Variants in CDH13 observed in about 807,000 individuals in gnomAD.
The protein encoded by CDH13 is cadherin-13.
Under a neutral mutation model 63.8 loss-of-function variants are expected in CDH13, and 24 were observed. The ratio of observed to expected loss-of-function variants is 0.38; its 90% confidence interval spans 0.27 to 0.53. The LOEUF (loss-of-function observed/expected upper bound fraction) is 0.53, where lower values mean the gene tolerates loss of function less well. Among genes scored for constraint, CDH13 ranks in the 20% least tolerant of loss-of-function variants. CDH13 has a pLI of 0.85. For missense variants in CDH13, 1,049 were observed against 903.1 expected (o/e 1.16, Z -2.07); for synonymous variants, 503 against 355.3 (o/e 1.42, Z -4.67).
chr16:82,753,409 C>G (rs1471768411), intron 1 of CDH13, among the ~76,000 whole-genome samples: 1 of 151,894 alleles, frequency 6.6e-6, no homozygotes, highest in Non-Finnish European at 1.5e-5. Context: ...GGGCTTTCTA[C>G]CCTGTCTTTG....
At chr16:83,673,965 A>T (rs1263344265) in intron 9 of CDH13, among the ~76,000 whole-genome samples, 2 of 151,468 alleles carry the variant, frequency 1.3e-5, no homozygotes, top group Non-Finnish European at 2.9e-5. Flanking sequence ...TGGGATGCAG[A>T]CTCTCCCTCA....
At chr16:82,842,163 T>G (rs55775751) in intron 1 of CDH13, among the ~76,000 whole-genome samples, 1 of 26,230 alleles carries the variant, frequency 3.8e-5, no homozygotes, top group Non-Finnish European at 1.1e-4. Context: ...TATATATATA[T>G]ACACACACAC....
intron 3 of CDH13, among the ~76,000 whole-genome samples, chr16:83,089,248 C>T (rs953939856): frequency 6.6e-6 from 1 of 152,226 alleles, no homozygotes; most frequent in Non-Finnish European, 1.5e-5. Flanking sequence ...ACTAACGTCA[C>T]ATCTCTATTT....
At chr16:83,353,349 C>T (rs1249027472) in intron 6 of CDH13, among the ~76,000 whole-genome samples, 3 of 152,232 alleles carry the variant, frequency 2.0e-5, no homozygotes, top group Non-Finnish European at 2.9e-5. Flanking sequence ...GGATTTCCCT[C>T]CTCCATATCC....
chr16:83,071,305 A>T (rs1445480017), intron 3 of CDH13, among the ~76,000 whole-genome samples: 4 of 152,128 alleles, frequency 2.6e-5, no homozygotes, highest in Non-Finnish European at 5.9e-5. Flanking sequence ...ATAACCCTGC[A>T]AGGTGTGGGC....
intron 1 of CDH13, among the ~76,000 whole-genome samples, chr16:82,785,838 G>A (rs1198663879): frequency 6.6e-6 from 1 of 152,186 alleles, no homozygotes; most frequent in African/African-American, 2.4e-5. Flanking sequence ...TTCTCAGCAA[G>A]GCAAGTTACT....
intron 6 of CDH13, among the ~76,000 whole-genome samples, chr16:83,446,978 T>G (rs2072708189): frequency 6.8e-6 from 1 of 146,892 alleles, no homozygotes; most frequent in African/African-American, 2.5e-5. Flanking sequence ...CTAATGGTCA[T>G]GTACCTGCAT....
At chr16:82,717,864 A>G (rs2032493243) in intron 1 of CDH13, among the ~76,000 whole-genome samples, 1 of 101,624 alleles carries the variant, frequency 9.8e-6, no homozygotes, top group Non-Finnish European at 2.1e-5. Flanking sequence ...TTCATCAGTT[A>G]GTGGGGGGGA....
At chr16:83,125,625 A>G in intron 4 of CDH13, 124 bp downstream of exon 4, 5 of 568,546 alleles carry the variant, frequency 8.8e-6, no homozygotes, top group Non-Finnish European at 1.6e-5. Flanking sequence ...ATAAGAGACC[A>G]AATGGTTTAG....
chr16:83,004,186 C>G (rs1014820880), intron 2 of CDH13, among the ~76,000 whole-genome samples: 6 of 152,148 alleles, frequency 3.9e-5, no homozygotes, highest in African/African-American at 1.4e-4. Flanking sequence ...TTCCTTATAC[C>G]GTGAGTATCT....
intron 5 of CDH13, among the ~76,000 whole-genome samples, chr16:83,241,194 T>C (rs1286320305): frequency 6.6e-6 from 1 of 152,228 alleles, no homozygotes; most frequent in Admixed American, 6.5e-5. Flanking sequence ...CATAGTTCAT[T>C]GTGTGGATAT....
intron 6 of CDH13, among the ~76,000 whole-genome samples, chr16:83,357,875 A>G (rs9938320): frequency 0.27 from 40,837 of 152,110 alleles, 6,456 homozygotes; most frequent in African/African-American, 0.43. Flanking sequence ...AAGCAGGATC[A>G]ATGGACATGG....
At chr16:83,060,084 G>T (rs1030297082) in intron 3 of CDH13, among the ~76,000 whole-genome samples, 1 of 152,022 alleles carries the variant, frequency 6.6e-6, no homozygotes, top group Non-Finnish European at 1.5e-5. Context: ...GTGAGCCACC[G>T]CACCCGGCCT....
rs1052817061 is a variant in CDH13, at chr16:83,127,565, A to G, written c.483+2064A>G. 6.6e-5 allele frequency among the ~76,000 whole-genome samples: 10 copies of G among 152,244 alleles called. No individual in the cohort carries two copies. In the East Asian group the frequency reaches 9.7e-4, roughly 15 times the overall value. ...GCCAACGTGGCGAAACCCCGTCTCA[A>G]CTAAAAATACAAAAATTAGCCAGTG... On this transcript the variant is annotated intron_variant, in intron 4 of 13. Transcript: ENST00000567109.
rs149237274 is a variant in CDH13, at chr16:83,145,865, T to G, written c.483+20364T>G. ...GAATGATCAGAGATCTCTCTGAGGA[T>G]GTCACATTTAAACTGTGACTCTAAG... On this transcript the variant is annotated intron_variant, in intron 4 of 13. Transcript: ENST00000567109. 1.9e-4 allele frequency among the ~76,000 whole-genome samples: 29 copies of G among 152,276 alleles called. No homozygotes were observed. In the East Asian group the frequency reaches 3.9e-3, roughly 20 times the overall value.
chr16:82,773,306 C>G (rs956544165), intron 1 of CDH13: 1 of 152,246 alleles, frequency 6.6e-6, no homozygotes, highest in Non-Finnish European at 1.5e-5. Flanking sequence ...TTCTTCTTTC[C>G]TTTCTCTGGC....
At chr16:82,888,773 G>A (rs566674297) in intron 2 of CDH13, among the ~76,000 whole-genome samples, 6 of 152,308 alleles carry the variant, frequency 3.9e-5, no homozygotes, top group Non-Finnish European at 7.4e-5. Context: ...GTTAAGCCCC[G>A]TGAAATGTAA....
chr16:83,090,529 G>A (rs897327119), intron 3 of CDH13, among the ~76,000 whole-genome samples: 2 of 149,992 alleles, frequency 1.3e-5, no homozygotes, highest in East Asian at 2.0e-4. Flanking sequence ...AGTCGAGATC[G>A]CGTCATTGCA....
intron 1 of CDH13, among the ~76,000 whole-genome samples, chr16:82,672,792 CACACACACAT>C (rs1272550340): frequency 6.7e-6 from 1 of 149,546 alleles, no homozygotes; most frequent in Non-Finnish European, 1.5e-5. Context: ...CACACACACA[CACACACACAT>C]ACACACACAC....
Sources: gnomAD v4.1 joint callset for allele counts (sites outside exome capture counted in the v4.1 genomes callset) on GRCh38, gnomAD v4.1.1 for gene constraint, MANE v1.5 for transcripts, NCBI Gene and HGNC (gene_info 2026-07-23, HGNC 2026-07-21) for gene names.